Variants in PDE8A observed in about 807,000 individuals in gnomAD.
PDE8A encodes the protein high affinity cAMP-specific and IBMX-insensitive 3',5'-cyclic phosphodiesterase 8A.
In PDE8A, 59 loss-of-function variants were observed where a neutral mutation model predicts 105.0. That is an observed-to-expected ratio of 0.56 (90% CI 0.46 to 0.70). The LOEUF (loss-of-function observed/expected upper bound fraction) is 0.70. PDE8A is among the 30% of genes least tolerant of loss of function. The pLI is 0.00. For missense variants in PDE8A, 1,014 were observed against 1,045.9 expected (o/e 0.97, Z 0.42); for synonymous variants, 355 against 371.9 (o/e 0.95, Z 0.52).
At position 85,067,077 on chromosome 15, in the gene PDE8A, G is replaced by A; in HGVS notation, c.307G>A (p.Ala103Thr). The A allele has an allele frequency of 3.1e-6, 5 of 1,613,688 alleles. No individual in the cohort carries two copies. The highest frequency in any genetic ancestry group is 4.2e-6 in the Non-Finnish European group (5 of 1,179,714). The change falls in exon 3 of 22, where the codon GCA (alanine) becomes ACA (threonine). Residue 103 changes from alanine to threonine, a missense_variant. Coordinates refer to ENST00000394553, the MANE Select transcript of PDE8A (RefSeq NM_002605.3). ...TGGATTCTGCAGGGCATGTGAAAAA[G>A]CAGGGTTTAAGTGTACAGTTACCAA... The part of the protein sequence containing the change: ...CNGFCRACEK[A>T]GFKCTVTKEA...
intron 1 of PDE8A, among the ~76,000 whole-genome samples, chr15:85,035,197 CTTTTTTTT>C (rs35548176): frequency 1.0e-4 from 6 of 57,786 alleles, no homozygotes; most frequent in African/African-American, 1.5e-4. Flanking sequence ...TGGGTATTTC[CTTTTTTTT>C]TTTTTTTTTT....
At chr15:85,094,245 TG>T (rs745754776) in intron 8 of PDE8A, among the ~76,000 whole-genome samples, 69 of 152,232 alleles carry the variant, frequency 4.5e-4, no homozygotes, top group South Asian at 1.9e-3. Context: ...ACCAAGTAAA[TG>T]GTGGCTACTT....
chr15:85,103,414 C>G (rs1318753070), intron 11 of PDE8A, among the ~76,000 whole-genome samples: 1 of 152,054 alleles, frequency 6.6e-6, no homozygotes, highest in East Asian at 1.9e-4. Flanking sequence ...CCCATCCCAC[C>G]CAGGTGAGCC....
chr15:85,007,314 G>T (rs1297741564), intron 1 of PDE8A, among the ~76,000 whole-genome samples: 1 of 151,608 alleles, frequency 6.6e-6, no homozygotes, highest in East Asian at 1.9e-4. Flanking sequence ...GGTAAGTGAA[G>T]ACTGAAGAAG....
intron 11 of PDE8A, among the ~76,000 whole-genome samples, chr15:85,103,333 C>T (rs1256855067): frequency 6.6e-6 from 1 of 152,210 alleles, no homozygotes; most frequent in African/African-American, 2.4e-5. Flanking sequence ...GCAGGGGGAG[C>T]ATCTCCCAAA....
intron 20 of PDE8A, 75 bp downstream of exon 20, chr15:85,126,449 T>G: frequency 9.1e-7 from 1 of 1,100,786 alleles, no homozygotes. Flanking sequence ...GATAATGGAC[T>G]TAACACTAGG....
intron 12 of PDE8A, among the ~76,000 whole-genome samples, chr15:85,113,168 G>T (rs952605881): frequency 6.6e-6 from 1 of 152,180 alleles, no homozygotes; most frequent in Non-Finnish European, 1.5e-5. Flanking sequence ...TTCAGTCCAT[G>T]GGGGCATATG....
chr15:85,106,183 C>T (rs746307777), intron 11 of PDE8A, among the ~76,000 whole-genome samples: 4 of 152,032 alleles, frequency 2.6e-5, no homozygotes, highest in Non-Finnish European at 5.9e-5. Context: ...CACACTGCTC[C>T]ATCTGCACAA....
intron 20 of PDE8A, among the ~76,000 whole-genome samples, chr15:85,127,569 C>T: frequency 6.6e-6 from 1 of 152,018 alleles, no homozygotes; most frequent in South Asian, 2.1e-4. Context: ...GTCCCATTTA[C>T]AGTAGGAAAT....
At chr15:85,058,352 G>A (rs550389785) in intron 1 of PDE8A, among the ~76,000 whole-genome samples, 24 of 152,164 alleles carry the variant, frequency 1.6e-4, no homozygotes, top group East Asian at 5.8e-4. Flanking sequence ...TCTCAAAAGC[G>A]CTGGGATTAC....
At chr15:85,100,116 T>C in intron 10 of PDE8A, 40 bp from the exon 11 acceptor site, 1 of 1,612,984 alleles carries the variant, frequency 6.2e-7, no homozygotes, top group Non-Finnish European at 8.5e-7. Context: ...AGCAAGATTT[T>C]CAGCAATCAG....
At chr15:85,014,576 A>T (rs1240250722) in intron 1 of PDE8A, among the ~76,000 whole-genome samples, 1 of 152,158 alleles carries the variant, frequency 6.6e-6, no homozygotes, top group Non-Finnish European at 1.5e-5. Flanking sequence ...ATTACTATGA[A>T]GTTAAGTATT....
chr15:85,132,275 C>A (rs1018182781), intron 20 of PDE8A, among the ~76,000 whole-genome samples: 1 of 152,026 alleles, frequency 6.6e-6, no homozygotes, highest in African/African-American at 2.4e-5. Context: ...GCTATTATTT[C>A]TTCAAATAAT....
intron 1 of PDE8A, among the ~76,000 whole-genome samples, chr15:85,052,197 C>T (rs148181795): frequency 5.9e-5 from 9 of 152,144 alleles, no homozygotes; most frequent in Non-Finnish European, 1.0e-4. Context: ...GTATATGTAC[C>T]ACATTTGCTT....
intron 1 of PDE8A, among the ~76,000 whole-genome samples, chr15:85,021,663 T>G (rs1381202701): frequency 6.6e-6 from 1 of 152,166 alleles, no homozygotes; most frequent in African/African-American, 2.4e-5. Flanking sequence ...TGATCTCATA[T>G]CCAATCCAGG....
intron 1 of PDE8A, chr15:85,063,533 C>G (rs985430995): frequency 1.3e-5 from 2 of 152,204 alleles, no homozygotes; most frequent in African/African-American, 2.4e-5. Flanking sequence ...ACAGGCTATT[C>G]AAATCTTCTG....
intron 12 of PDE8A, 78 bp downstream of exon 12, chr15:85,109,208 G>C: frequency 1.1e-6 from 1 of 920,172 alleles, no homozygotes; most frequent in Non-Finnish European, 1.7e-6. Context: ...CCTTGCCCAG[G>C]CTCATCCTGT....
intron 1 of PDE8A, among the ~76,000 whole-genome samples, chr15:85,046,690 A>G (rs1434592381): frequency 6.6e-6 from 1 of 152,200 alleles, no homozygotes; most frequent in African/African-American, 2.4e-5. Flanking sequence ...GCTAAGAAAT[A>G]AAAACAAAGC....
chr15:85,121,309 C>T (rs936594908), intron 18 of PDE8A, among the ~76,000 whole-genome samples: 2 of 150,602 alleles, frequency 1.3e-5, no homozygotes, highest in African/African-American at 2.5e-5. Context: ...CCCAGCTACT[C>T]GGGAGGCTAA....
Sources: gnomAD v4.1 joint callset for allele counts (sites outside exome capture counted in the v4.1 genomes callset) on GRCh38, gnomAD v4.1.1 for gene constraint, MANE v1.5 for transcripts, NCBI Gene and HGNC (gene_info 2026-07-23, HGNC 2026-07-21) for gene names.